PTPRD: variants seen among roughly 807,000 people sequenced by gnomAD.
PTPRD encodes receptor-type tyrosine-protein phosphatase delta.
In PTPRD, 34 loss-of-function variants were observed where a neutral mutation model predicts 214.5. The observed-to-expected ratio is 0.16, with a 90% CI of 0.12 to 0.21. PTPRD has a LOEUF of 0.21. Among genes scored for constraint, PTPRD ranks in the 10% least tolerant of loss-of-function variants. The probability of loss-of-function intolerance (pLI) is 1.00; values close to 1 mark genes in which losing one functional copy is unlikely to be tolerated. For missense variants in PTPRD, 2,545 were observed against 2,398.7 expected (o/e 1.06, Z -1.27); for synonymous variants, 1,128 against 845.7 (o/e 1.33, Z -5.79).
intron 11 of PTPRD, among the ~76,000 whole-genome samples, chr9:8,994,391 A>G (rs2099388595): frequency 6.6e-6 from 1 of 152,174 alleles, no homozygotes; most frequent in African/African-American, 2.4e-5. Flanking sequence ...ATGCTTAGTA[A>G]GCAGTACATG....
At chr9:10,147,910 C>T (rs2099034772) in intron 3 of PTPRD, among the ~76,000 whole-genome samples, 1 of 151,910 alleles carries the variant, frequency 6.6e-6, no homozygotes, top group Admixed American at 6.6e-5. Context: ...AACATAAAAG[C>T]TATATTTGTT....
intron 3 of PTPRD, among the ~76,000 whole-genome samples, chr9:10,232,202 T>C (rs1245712866): frequency 6.6e-6 from 1 of 151,822 alleles, no homozygotes; most frequent in Non-Finnish European, 1.5e-5. Flanking sequence ...TGCAGGACCT[T>C]GAGCTAAATA....
intron 10 of PTPRD, among the ~76,000 whole-genome samples, chr9:9,165,836 T>C (rs957298673): frequency 7.2e-5 from 11 of 152,320 alleles, no homozygotes; most frequent in Middle Eastern, 3.4e-3. Flanking sequence ...GATACTGATG[T>C]AGATATAAAG....
At chr9:10,361,242 T>C (rs75974928) in intron 2 of PTPRD, among the ~76,000 whole-genome samples, 1 of 152,210 alleles carries the variant, frequency 6.6e-6, no homozygotes, top group Non-Finnish European at 1.5e-5. Flanking sequence ...GATTCTTCCA[T>C]CTGCTTTCAA....
At chr9:9,632,575 C>T (rs1461528496) in intron 7 of PTPRD, among the ~76,000 whole-genome samples, 11 of 150,862 alleles carry the variant, frequency 7.3e-5, no homozygotes, top group African/African-American at 2.7e-4. Flanking sequence ...TTTTTCTAAA[C>T]AAATCATACT....
intron 5 of PTPRD, among the ~76,000 whole-genome samples, chr9:9,928,416 G>A (rs2085109584): frequency 6.6e-6 from 1 of 152,144 alleles, no homozygotes; most frequent in Admixed American, 6.5e-5. Context: ...AGGACAGAGA[G>A]AGCACCTTAA....
intron 2 of PTPRD, among the ~76,000 whole-genome samples, chr9:10,469,437 A>G (rs2099015735): frequency 6.6e-6 from 1 of 152,196 alleles, no homozygotes. Context: ...ATTAGATGAA[A>G]AGATCATTAA....
At chr9:9,626,197 C>T (rs1486661855) in intron 7 of PTPRD, among the ~76,000 whole-genome samples, 2 of 152,160 alleles carry the variant, frequency 1.3e-5, no homozygotes, top group African/African-American at 4.8e-5. Context: ...CTAGACAGAG[C>T]AGATGCCTGA....
At chr9:9,255,491 C>T (rs1480558083) in intron 9 of PTPRD, among the ~76,000 whole-genome samples, 1 of 151,996 alleles carries the variant, frequency 6.6e-6, no homozygotes, top group Non-Finnish European at 1.5e-5. Flanking sequence ...AACCATTCCA[C>T]TAATACTGAA....
Position 9,799,932 on chromosome 9 carries a change from G to A in PTPRD, c.-367-33081C>T, listed in dbSNP as rs919075231. Reference sequence around the variant, plus strand: ...TAGAAACACAGAGAAAAAGGACAAGGATTAAACCTGCTTCAAAGTACAAAA... The same window carrying A: ...TAGAAACACAGAGAAAAAGGACAAGAATTAAACCTGCTTCAAAGTACAAAA... On this transcript the variant is annotated intron_variant, in intron 5 of 45. Coordinates refer to ENST00000381196, the MANE Select transcript of PTPRD (RefSeq NM_002839.4). Among the ~76,000 whole-genome samples, 4 of 152,150 alleles carry A rather than the reference G, an allele frequency of 2.6e-5. No homozygotes were observed. In the South Asian group the frequency reaches 8.3e-4, roughly 32 times the overall value.
At chr9:9,711,989 C>T (rs930386911) in intron 7 of PTPRD, among the ~76,000 whole-genome samples, 4 of 152,176 alleles carry the variant, frequency 2.6e-5, no homozygotes, top group African/African-American at 7.2e-5. Flanking sequence ...CATGAATGTA[C>T]ATAATTTTTC....
chr9:8,832,819 T>C (rs1055345032), intron 11 of PTPRD, among the ~76,000 whole-genome samples: 2 of 152,102 alleles, frequency 1.3e-5, no homozygotes, highest in Non-Finnish European at 2.9e-5. Flanking sequence ...TCTGTATTTC[T>C]CTTTTTCAGA....
At chr9:9,295,738 T>G (rs1287632008) in intron 9 of PTPRD, among the ~76,000 whole-genome samples, 1 of 151,834 alleles carries the variant, frequency 6.6e-6, no homozygotes, top group Non-Finnish European at 1.5e-5. Flanking sequence ...AGAAGCTTAA[T>G]TTCTTTGAAA....
intron 10 of PTPRD, among the ~76,000 whole-genome samples, chr9:9,141,624 A>G (rs1303885397): frequency 2.0e-5 from 3 of 151,606 alleles, no homozygotes; most frequent in East Asian, 1.9e-4. Flanking sequence ...GGAACAGTGC[A>G]CATCATGAAG....
At chr9:8,370,176 T>C (rs1306559549) in intron 39 of PTPRD, among the ~76,000 whole-genome samples, 1 of 151,358 alleles carries the variant, frequency 6.6e-6, no homozygotes, top group Non-Finnish European at 1.5e-5. Flanking sequence ...CAATACTATA[T>C]GTCTCTATTC....
chr9:9,735,614 A>T (rs2098279023), intron 6 of PTPRD, among the ~76,000 whole-genome samples: 1 of 152,128 alleles, frequency 6.6e-6, no homozygotes, highest in African/African-American at 2.4e-5. Context: ...TCCCGAAGGA[A>T]GCTATTAATA....
intron 5 of PTPRD, among the ~76,000 whole-genome samples, chr9:9,839,960 T>TA (rs2057874700): frequency 6.6e-6 from 1 of 152,146 alleles, no homozygotes; most frequent in African/African-American, 2.4e-5. Context: ...TAAATAGTAC[T>TA]AAAAATAACG....
At chr9:8,787,909 T>TAC in intron 11 of PTPRD, among the ~76,000 whole-genome samples, 1 of 108,154 alleles carries the variant, frequency 9.2e-6, no homozygotes, top group African/African-American at 3.9e-5. Flanking sequence ...TTGCACCCTA[T>TAC]CACCTTTTTT....
intron 12 of PTPRD, among the ~76,000 whole-genome samples, chr9:8,696,974 T>C (rs1311013318): frequency 7.5e-6 from 1 of 133,642 alleles, no homozygotes; most frequent in Admixed American, 7.7e-5. Context: ...TTTCTCTTTC[T>C]TTTAAAAAAT....
Sources: gnomAD v4.1 joint callset for allele counts (sites outside exome capture counted in the v4.1 genomes callset) on GRCh38, gnomAD v4.1.1 for gene constraint, MANE v1.5 for transcripts, NCBI Gene and HGNC (gene_info 2026-07-23, HGNC 2026-07-21) for gene names.